The following COL4A2 variants were observed in gnomAD, a reference collection of about 807,000 sequenced individuals.
The protein encoded by COL4A2 is collagen type IV alpha 2 chain, also known as collagen alpha-2(IV) chain.
A neutral mutation model predicts 200.2 loss-of-function variants in COL4A2; 99 were observed. That is an observed-to-expected ratio of 0.49 (90% CI 0.42 to 0.58). COL4A2 has a LOEUF of 0.58. Among genes scored for constraint, COL4A2 ranks in the 20% least tolerant of loss-of-function variants. The pLI is 0.00. For missense variants in COL4A2, 1,950 were observed against 2,314.1 expected (o/e 0.84, Z 3.23); for synonymous variants, 897 against 900.6 (o/e 1.00, Z 0.07).
intron 3 of COL4A2, among the ~76,000 whole-genome samples, chr13:110,339,089 T>C (rs1876337093): frequency 6.6e-6 from 1 of 152,190 alleles, no homozygotes; most frequent in South Asian, 2.1e-4. Flanking sequence ...GCCAGCTCTT[T>C]AAGAAACTAT....
Position 110,438,040 on chromosome 13 carries a change from A to G in COL4A2, c.861+3A>G. The G allele has an allele frequency of 1.9e-6, 3 of 1,612,990 alleles. No homozygotes were observed. The highest frequency in any genetic ancestry group is 2.5e-6 in the Non-Finnish European group (3 of 1,179,112). Reference sequence around the variant, plus strand: ...GTGAGGGGGAACCAGGAATAAGAGTAAGTCGAGTAATGAGCATGCCCCCTC... The same window carrying G: ...GTGAGGGGGAACCAGGAATAAGAGTGAGTCGAGTAATGAGCATGCCCCCTC... On this transcript the variant is annotated splice_donor_region_variant and intron_variant, in intron 14 of 47. Coordinates refer to ENST00000360467, the MANE Select transcript of COL4A2 (RefSeq NM_001846.4).
chr13:110,430,689 C>T (rs1880646519), intron 10 of COL4A2, 82 bp downstream of exon 10: 3 of 1,558,622 alleles, frequency 1.9e-6, no homozygotes, highest in Non-Finnish European at 2.7e-6. Flanking sequence ...ATGGTTGACT[C>T]CAGATGAGAG....
At chr13:110,490,070 T>C (rs1883236469) in intron 36 of COL4A2, among the ~76,000 whole-genome samples, 1 of 152,192 alleles carries the variant, frequency 6.6e-6, no homozygotes, top group African/African-American at 2.4e-5. Context: ...AAAGTGTAAC[T>C]GATGAAAAGC....
In COL4A2 at chr13:110,465,989, T is replaced by C. The variant is rs541175335; in HGVS notation, c.1979-14T>C. ...TCAAAATTGCCTCACTCTGTCCTTA[T>C]GTCTTCCCCCCAGATTGTGACACAG... On this transcript the variant is annotated splice_polypyrimidine_tract_variant and intron_variant, in intron 25 of 47. Transcript: ENST00000360467. The C allele has an allele frequency of 1.1e-5, 17 of 1,613,406 alleles. No individual in the cohort carries two copies. The highest frequency in any genetic ancestry group is 8.3e-5 in the Admixed American group (5 of 59,980).
chr13:110,319,764 C>T (rs1318618192), intron 3 of COL4A2, among the ~76,000 whole-genome samples: 2 of 152,200 alleles, frequency 1.3e-5, no homozygotes, highest in African/African-American at 4.8e-5. Context: ...ATCTCCTGTC[C>T]TGTCTGAAAT....
In COL4A2 at chr13:110,480,369, C is replaced by T; in HGVS notation, c.2737C>T (p.Pro913Ser). The T allele has an allele frequency of 6.2e-7, 1 of 1,611,802 alleles. No homozygotes were observed. The highest frequency in any genetic ancestry group is 8.5e-7 in the Non-Finnish European group (1 of 1,179,146). ...SPGFKGIDGMPGTPGLKGDRG... is the reference protein window; with the variant it reads ...SPGFKGIDGMSGTPGLKGDRG... ...TGGATTTAAAGGAATTGATGGAATG[C>T]CTGGGACCCCCGGGCTAAAAGGTAA... is the stretch of plus-strand genomic sequence containing the variant. The change falls in exon 31 of 48, where the codon CCT becomes TCT. Residue 913 changes from proline (P) to serine (S), a missense_variant. Coordinates refer to ENST00000360467, the MANE Select transcript of COL4A2 (RefSeq NM_001846.4).
chr13:110,429,876 G>A lies in COL4A2; in HGVS notation c.478-9G>A. 6.2e-7 allele frequency: 1 copy of A among 1,612,888 alleles called. No individual in the cohort carries two copies. Among genetic ancestry groups the A allele is most frequent in the Non-Finnish European group, 8.5e-7 (1 of 1,179,416 alleles). ...TGTTTTTTCTTTTTACAATATATCT[G>A]CTAATTAGGGGCCCCAAGGACCAAA... On this transcript the variant is annotated splice_polypyrimidine_tract_variant and intron_variant, in intron 7 of 47. Transcript: ENST00000360467.
At chr13:110,377,219 T>G (rs1363685150) in intron 4 of COL4A2, among the ~76,000 whole-genome samples, 1 of 152,186 alleles carries the variant, frequency 6.6e-6, no homozygotes, top group African/African-American at 2.4e-5. Context: ...GTCAGATGTT[T>G]CTTGGTTAGG....
chr13:110,440,625 T>A (rs1000246638), intron 16 of COL4A2, among the ~76,000 whole-genome samples: 45 of 152,150 alleles, frequency 3.0e-4, no homozygotes, highest in Admixed American at 1.9e-3. Context: ...ATAAAATTTT[T>A]AAAAAGAAAT....
intron 3 of COL4A2, among the ~76,000 whole-genome samples, chr13:110,347,703 C>A (rs1459221612): frequency 6.6e-6 from 1 of 152,248 alleles, no homozygotes; most frequent in Non-Finnish European, 1.5e-5. Flanking sequence ...CAGTCCTGCC[C>A]GTCAGGACCC....
rs1220141050 is a variant in COL4A2 at position 110,495,154 on chromosome 13, C to A, written c.3635-188C>A. Among the ~76,000 whole-genome samples, 3 of 152,210 alleles carry A rather than the reference C, an allele frequency of 2.0e-5. No homozygotes were observed. In the East Asian group the frequency reaches 5.8e-4, roughly 29 times the overall value. Reference sequence around the variant, plus strand: ...TAGAGCCAAGGGCTTCCACTGTGATCTCTGTAAGATCCCTTCCAAATCTCA... The same window carrying A: ...TAGAGCCAAGGGCTTCCACTGTGATATCTGTAAGATCCCTTCCAAATCTCA... On this transcript the variant is annotated intron_variant, in intron 39 of 47. Transcript: ENST00000360467.
At chr13:110,422,686 G>A (rs528579547) in intron 4 of COL4A2, among the ~76,000 whole-genome samples, 9 of 152,244 alleles carry the variant, frequency 5.9e-5, no homozygotes, top group Middle Eastern at 3.4e-3. Flanking sequence ...CCCAAGATTC[G>A]GGATACATCA....
chr13:110,476,017 C>A (rs1403265901), intron 29 of COL4A2, among the ~76,000 whole-genome samples: 1 of 152,260 alleles, frequency 6.6e-6, no homozygotes, highest in African/African-American at 2.4e-5. Flanking sequence ...GTGCTGTCCA[C>A]TTCCAGAAGG....
intron 28 of COL4A2, among the ~76,000 whole-genome samples, chr13:110,471,115 G>A (rs144866236): frequency 6.6e-6 from 1 of 152,366 alleles, no homozygotes; most frequent in African/African-American, 2.4e-5. Context: ...CTAAGTTTAA[G>A]CATTCATGAT....
intron 4 of COL4A2, among the ~76,000 whole-genome samples, chr13:110,397,090 C>A (rs532925010): frequency 1.3e-5 from 2 of 152,306 alleles, no homozygotes; most frequent in East Asian, 3.9e-4. Context: ...GCAGGCCTGC[C>A]AAGACCACAG....
chr13:110,358,570 A>G (rs1365596229), intron 4 of COL4A2, among the ~76,000 whole-genome samples: 1 of 152,246 alleles, frequency 6.6e-6, no homozygotes, highest in African/African-American at 2.4e-5. Context: ...CCACACTTTG[A>G]TGCAACCAGC....
chr13:110,432,299 T>G, intron 10 of COL4A2, 26 bp from the exon 11 acceptor site: 1 of 1,596,856 alleles, frequency 6.3e-7, no homozygotes, highest in Non-Finnish European at 8.5e-7. Context: ...AGAAAACCAT[T>G]TACACATTTC....
intron 20 of COL4A2, among the ~76,000 whole-genome samples, chr13:110,452,120 T>TTTTGTTTG (rs10686508): frequency 0.11 from 16,229 of 151,356 alleles, 1,043 homozygotes; most frequent in African/African-American, 0.17. Flanking sequence ...AAAGTCTCTG[T>TTTTGTTTG]TTTGTTTGTT....
At chr13:110,351,219 T>TGTTTG (rs1555322827) in intron 3 of COL4A2, among the ~76,000 whole-genome samples, 54 of 150,032 alleles carry the variant, frequency 3.6e-4, no homozygotes, top group Middle Eastern at 6.8e-3. Flanking sequence ...CAGCTATTCT[T>TGTTTG]TTTGTTTGTT....
Sources: gnomAD v4.1 joint callset for allele counts (sites outside exome capture counted in the v4.1 genomes callset) on GRCh38, gnomAD v4.1.1 for gene constraint, MANE v1.5 for transcripts, NCBI Gene and HGNC (gene_info 2026-07-23, HGNC 2026-07-21) for gene names.